The following ANKFN1 variants were observed in gnomAD, a reference collection of about 807,000 sequenced individuals.
The protein encoded by ANKFN1 is ankyrin repeat and fibronectin type-III domain-containing protein 1.
Under a neutral mutation model 108.7 loss-of-function variants are expected in ANKFN1, and 74 were observed. The ratio of observed to expected loss-of-function variants is 0.68; its 90% CI spans 0.56 to 0.83. The LOEUF is 0.83. Ranked by LOEUF, ANKFN1 falls within the 40% of genes least tolerant of loss-of-function variation. The pLI, the probability that ANKFN1 is intolerant of heterozygous loss-of-function variation, is 0.00. For synonymous variants in ANKFN1, 547 were observed against 516.2 expected (o/e 1.06, Z -0.81); for missense variants, 1,505 against 1,382.3 (o/e 1.09, Z -1.41).
chr17:56,104,010 A>G (rs1315835209), intron 4 of ANKFN1, among the ~76,000 whole-genome samples: 2 of 152,214 alleles, frequency 1.3e-5, no homozygotes, highest in African/African-American at 4.8e-5. Flanking sequence ...ATATTCTCTG[A>G]TGTGGCTCCA....
At position 56,086,598 on chromosome 17, in the gene ANKFN1, T is replaced by C. The variant is rs991287348; in HGVS notation, c.288+40273T>C. 2.0e-5 allele frequency among the ~76,000 whole-genome samples: 3 copies of C among 151,370 alleles called. 1 individual carries two copies. The highest frequency in any genetic ancestry group is 4.4e-5 in the Non-Finnish European group (3 of 67,758). ...CTAGCCAGAGGCTTCACCTGGATTCTTCTCCTAGGGCTTCTTACCTGAACC... is the reference window on the plus strand; with the variant it reads ...CTAGCCAGAGGCTTCACCTGGATTCCTCTCCTAGGGCTTCTTACCTGAACC... On this transcript the variant is annotated intron_variant, in intron 4 of 12. Transcript: ENST00000635860.
chr17:56,235,043 T>C (rs1406204645), intron 3 of ANKFN1, among the ~76,000 whole-genome samples: 2 of 152,188 alleles, frequency 1.3e-5, no homozygotes, highest in African/African-American at 4.8e-5. Context: ...TTAACAGCCA[T>C]TCTGACTGGT....
chr17:56,393,894 G>A (rs2047506968), intron 8 of ANKFN1, among the ~76,000 whole-genome samples: 2 of 152,184 alleles, frequency 1.3e-5, no homozygotes, highest in South Asian at 2.1e-4. Flanking sequence ...GCCAAGCAGT[G>A]CAGGAATTTA....
intron 3 of ANKFN1, among the ~76,000 whole-genome samples, chr17:56,317,028 T>A (rs2045228427): frequency 6.6e-6 from 1 of 152,214 alleles, no homozygotes; most frequent in South Asian, 2.1e-4. Context: ...GAAAGAGAGA[T>A]CACATATATT....
chr17:56,047,331 T>C (rs1429588965), intron 4 of ANKFN1, among the ~76,000 whole-genome samples: 1 of 151,954 alleles, frequency 6.6e-6, no homozygotes, highest in African/African-American at 2.4e-5. Flanking sequence ...AGTAAATGCA[T>C]ACTAGTTCAT....
intron 4 of ANKFN1, among the ~76,000 whole-genome samples, chr17:56,347,755 G>A (rs1015434128): frequency 6.6e-6 from 1 of 152,110 alleles, no homozygotes; most frequent in South Asian, 2.1e-4. Context: ...ACAGCTGGGG[G>A]AGGATGAGAA....
intron 4 of ANKFN1, 98 bp downstream of exon 4, chr17:56,326,453 A>T: frequency 7.0e-7 from 1 of 1,436,110 alleles, no homozygotes; most frequent in African/African-American, 1.4e-5. Flanking sequence ...GGCTTAAATG[A>T]TACTTAAAAA....
At chr17:56,390,334 G>T (rs529474720) in intron 8 of ANKFN1, among the ~76,000 whole-genome samples, 1 of 152,216 alleles carries the variant, frequency 6.6e-6, no homozygotes, top group Non-Finnish European at 1.5e-5. Context: ...TGCTGAGAAT[G>T]ATGGCATCCA....
chr17:56,426,818 T>C (rs2048585631), intron 8 of ANKFN1, among the ~76,000 whole-genome samples: 2 of 152,224 alleles, frequency 1.3e-5, no homozygotes, highest in African/African-American at 4.8e-5. Flanking sequence ...TGTGACCTTA[T>C]GGAGATTTAT....
intron 11 of ANKFN1, among the ~76,000 whole-genome samples, chr17:56,454,298 G>T (rs1016525649): frequency 2.6e-5 from 4 of 151,850 alleles, no homozygotes; most frequent in African/African-American, 9.7e-5. Flanking sequence ...GCTCTCTTTT[G>T]TCCTCTGGTT....
At chr17:56,506,036 C>T (rs1444420709) in intron 20 of ANKFN1, among the ~76,000 whole-genome samples, 1 of 100,204 alleles carries the variant, frequency 1.0e-5, no homozygotes, top group Non-Finnish European at 2.6e-5. Context: ...ATGAAAGTGA[C>T]ATTATTTGTT....
chr17:56,250,102 A>G (rs1487469817), intron 3 of ANKFN1, among the ~76,000 whole-genome samples: 1 of 152,178 alleles, frequency 6.6e-6, no homozygotes, highest in African/African-American at 2.4e-5. Context: ...TTTCTCATTA[A>G]AAAATGGAGC....
intron 14 of ANKFN1, among the ~76,000 whole-genome samples, chr17:56,461,399 T>C (rs964379148): frequency 2.0e-5 from 3 of 152,236 alleles, no homozygotes; most frequent in Non-Finnish European, 2.9e-5. Flanking sequence ...GAGATTGGCA[T>C]ATCCCTTGGC....
intron 4 of ANKFN1, among the ~76,000 whole-genome samples, chr17:56,344,666 GA>G (rs546646694): frequency 1.3e-3 from 191 of 148,272 alleles, no homozygotes; most frequent in African/African-American, 3.9e-3. Flanking sequence ...TTTTTGGAAA[GA>G]AAAAAAAACA....
intron 6 of ANKFN1, among the ~76,000 whole-genome samples, chr17:56,360,204 T>A (rs1216715080): frequency 1.3e-5 from 2 of 152,202 alleles, no homozygotes; most frequent in Admixed American, 1.3e-4. Flanking sequence ...GTTCTTATAC[T>A]GTGCACTCCT....
chr17:56,057,186 C>G (rs566559080), intron 4 of ANKFN1, among the ~76,000 whole-genome samples: 2 of 152,212 alleles, frequency 1.3e-5, no homozygotes, highest in African/African-American at 2.4e-5. Context: ...TTCTAGTTCT[C>G]TTGTTCTTTC....
At chr17:56,154,416 A>G (rs552687436) in intron 1 of ANKFN1, among the ~76,000 whole-genome samples, 4 of 152,246 alleles carry the variant, frequency 2.6e-5, no homozygotes, top group African/African-American at 9.6e-5. Context: ...AAAACCAGAG[A>G]TAAGTGCAAG....
At chr17:56,302,870 A>G (rs2044714319) in intron 3 of ANKFN1, among the ~76,000 whole-genome samples, 1 of 152,232 alleles carries the variant, frequency 6.6e-6, no homozygotes, top group South Asian at 2.1e-4. Context: ...ATCCCTTTAA[A>G]TAGCTGCATG....
At chr17:56,054,175 G>A (rs1904825895) in intron 4 of ANKFN1, among the ~76,000 whole-genome samples, 1 of 152,212 alleles carries the variant, frequency 6.6e-6, no homozygotes, top group South Asian at 2.1e-4. Context: ...ATTCCTCAAA[G>A]AGCTGAAAGT....
Sources: allele counts gnomAD v4.1 joint callset (sites outside exome capture counted in the v4.1 genomes callset), GRCh38; gene constraint gnomAD v4.1.1; transcripts MANE v1.5; gene names NCBI Gene and HGNC (gene_info 2026-07-23, HGNC 2026-07-21).